The following ADGRV1 variants were observed in gnomAD, a reference collection of about 807,000 sequenced individuals.
ADGRV1 encodes the protein adhesion G protein-coupled receptor V1, also known as G-protein coupled receptor 98.
Under a neutral mutation model 596.2 loss-of-function variants are expected in ADGRV1, and 359 were observed. The ratio of observed to expected loss-of-function variants is 0.60; its 90% CI spans 0.55 to 0.66. ADGRV1 has a LOEUF of 0.66. Ranked by LOEUF, ADGRV1 falls within the 30% of genes least tolerant of loss-of-function variation. The probability of loss-of-function intolerance (pLI) is 0.00; values close to 1 mark genes in which losing one functional copy is unlikely to be tolerated. For missense variants in ADGRV1, 7,274 were observed against 7,575.6 expected, an observed-to-expected ratio of 0.96 and a Z score of 1.48; for synonymous variants, 2,681 against 2,679.2, an observed-to-expected ratio of 1.00 and a Z score of -0.02.
At chr5:90,878,646 C>T (rs956696479) in intron 83 of ADGRV1, among the ~76,000 whole-genome samples, 1 of 152,144 alleles carries the variant, frequency 6.6e-6, no homozygotes, top group Non-Finnish European at 1.5e-5. Context: ...TGTTCACAGT[C>T]ATTTATGAGA....
At position 90,689,908 on chromosome 5, in the gene ADGRV1, G is replaced by A; in HGVS notation, c.6538G>A (p.Glu2180Lys). Residue 2180 changes from glutamate to lysine, a missense_variant, in exon 30 of 90, where the codon GAA becomes AAA. Glu to Lys is a moderately conservative substitution (Grantham distance 56, BLOSUM62 1). Coordinates refer to ENST00000405460, the MANE Select transcript of ADGRV1 (RefSeq NM_032119.4). ...ATCAGATGTGGTCTTGCTAGAAGGG[G>A]AAACCAGTAAAGCCGTGCCAATATA... The part of the protein sequence containing the change: ...ASSDVVLLEG[E>K]TSKAVPIYVI... 1 of 1,613,352 alleles carries A rather than the reference G, an allele frequency of 6.2e-7. No homozygotes were observed. Among genetic ancestry groups the A allele is most frequent in the Non-Finnish European group, 8.5e-7 (1 of 1,179,564 alleles).
rs1758564362 is a variant in ADGRV1 at position 90,778,995 on chromosome 5, G to A, written c.12980G>A (p.Gly4327Glu). ...GCAGGGGAGCTCCTCTTTGAAGCAG[G>A]GGAGATGAGGAAAAGTCTGCATGTT... ...PAAGELLFEAGEMRKSLHVEI... is the reference protein window; with the variant it reads ...PAAGELLFEAEEMRKSLHVEI... Residue 4327 changes from glycine to glutamate, a missense_variant, in exon 64 of 90, where the codon GGG becomes GAG. Gly to Glu is a moderately conservative substitution (Grantham distance 98, BLOSUM62 -2). Coordinates refer to ENST00000405460, the MANE Select transcript of ADGRV1 (RefSeq NM_032119.4). 2 of 1,613,324 alleles carry A rather than the reference G, an allele frequency of 1.2e-6. 1 individual carries two copies. The highest frequency in any genetic ancestry group is 2.2e-5 in the South Asian group (2 of 91,056).
At chr5:91,030,381 A>T (rs2151224053) in intron 85 of ADGRV1, among the ~76,000 whole-genome samples, 1 of 152,254 alleles carries the variant, frequency 6.6e-6, no homozygotes, top group East Asian at 1.9e-4. Context: ...ATAACATAAA[A>T]AATGAAGTGG....
intron 87 of ADGRV1, among the ~76,000 whole-genome samples, chr5:91,109,954 A>C (rs1792222011): frequency 1.3e-5 from 2 of 152,244 alleles, no homozygotes; most frequent in East Asian, 3.8e-4. Flanking sequence ...GAACAAGGCC[A>C]ATGACAGCTT....
chr5:90,963,129 T>A (rs925994817), intron 83 of ADGRV1, among the ~76,000 whole-genome samples: 3 of 152,158 alleles, frequency 2.0e-5, no homozygotes, highest in African/African-American at 7.2e-5. Context: ...AGAATCTGAA[T>A]TAGAAAGGCT....
At chr5:90,603,501 G>A (rs1355298556) in intron 1 of ADGRV1, among the ~76,000 whole-genome samples, 1 of 152,076 alleles carries the variant, frequency 6.6e-6, no homozygotes, top group African/African-American at 2.4e-5. Flanking sequence ...GGCACTTCAT[G>A]GTGCACAGAG....
chr5:91,098,473 A>G (rs1247570623), intron 86 of ADGRV1, among the ~76,000 whole-genome samples: 1 of 152,154 alleles, frequency 6.6e-6, no homozygotes, highest in African/African-American at 2.4e-5. Context: ...TTGTTTTTTA[A>G]AGAAGCCTCC....
intron 77 of ADGRV1, among the ~76,000 whole-genome samples, chr5:90,834,681 A>C (rs747753003): frequency 2.0e-5 from 3 of 151,744 alleles, no homozygotes; most frequent in Non-Finnish European, 2.9e-5. Context: ...GAATACTGAT[A>C]TCTTTCTCTA....
Position 90,705,446 on chromosome 5 carries a change from A to G in ADGRV1, c.8433A>G (p.Ala2811=), listed in dbSNP as rs757411051. ...GIALLDAQGY[A]AVLTVEASDE... is the part of the protein sequence containing the mutation. ...CCCTGCTTGATGCTCAAGGATATGC[A>G]GCTGTCCTCACAGTAGAAGCCAGTG... The change falls in exon 37 of 90, where the codon GCA becomes GCG. Residue 2811 remains alanine, a synonymous_variant. Coordinates refer to ENST00000405460, the MANE Select transcript of ADGRV1 (RefSeq NM_032119.4). 2 of 1,613,996 alleles carry G rather than the reference A, an allele frequency of 1.2e-6. No homozygotes were observed. Among genetic ancestry groups the G allele is most frequent in the Non-Finnish European group, 1.7e-6 (2 of 1,179,844 alleles).
At chr5:90,865,185 C>T (rs948926517) in intron 83 of ADGRV1, among the ~76,000 whole-genome samples, 2 of 152,042 alleles carry the variant, frequency 1.3e-5, no homozygotes, top group African/African-American at 2.4e-5. Flanking sequence ...GCAGTGGTTA[C>T]CAAAGGGGCT....
intron 1 of ADGRV1, among the ~76,000 whole-genome samples, chr5:90,582,709 T>G (rs1314785549): frequency 7.9e-5 from 12 of 152,072 alleles, no homozygotes. Context: ...GGACTATCAG[T>G]GTGCACCACC....
chr5:90,769,898 G>A (rs1462982611), intron 59 of ADGRV1, among the ~76,000 whole-genome samples: 1 of 152,010 alleles, frequency 6.6e-6, no homozygotes, highest in Admixed American at 6.6e-5. Flanking sequence ...TACATATTAC[G>A]AATTGGAAAC....
chr5:90,642,438 A>G (rs910131207), intron 11 of ADGRV1, among the ~76,000 whole-genome samples, 198 bp from the exon 12 acceptor site: 3 of 152,198 alleles, frequency 2.0e-5, no homozygotes, highest in Admixed American at 2.0e-4. Flanking sequence ...CAGAAATAGA[A>G]GTTCTTTCAT....
At chr5:91,012,779 A>T (rs1390918756) in intron 85 of ADGRV1, among the ~76,000 whole-genome samples, 1 of 152,018 alleles carries the variant, frequency 6.6e-6, no homozygotes, top group East Asian at 1.9e-4. Flanking sequence ...TTTGTTATAC[A>T]AGTAAATTTG....
At chr5:90,933,987 A>C (rs540698650) in intron 83 of ADGRV1, among the ~76,000 whole-genome samples, 7 of 152,282 alleles carry the variant, frequency 4.6e-5, no homozygotes, top group African/African-American at 1.7e-4. Flanking sequence ...TGTCGCAGGC[A>C]CAGCTGCCTA....
chr5:91,154,632 T>A (rs1796321356), intron 89 of ADGRV1, among the ~76,000 whole-genome samples: 1 of 152,140 alleles, frequency 6.6e-6, no homozygotes, highest in Non-Finnish European at 1.5e-5. Flanking sequence ...TATGAAGAAA[T>A]ACTGGAAACT....
At position 90,783,138 on chromosome 5, in the gene ADGRV1, G is replaced by T. The variant is rs1759035779; in HGVS notation, c.13246G>T (p.Gly4416Trp). The change falls in exon 66 of 90, where the codon GGG (glycine) becomes TGG (tryptophan). Residue 4416 changes from glycine (G) to tryptophan (W), a missense_variant. Physicochemically the swap from Gly to Trp is radical, Grantham distance 184. Transcript: ENST00000405460. ...TCCCATTACAGTGGAGGAAGATGTT[G>T]GGCTGATCATGATCCCAGTGGTGAG... is the stretch of plus-strand genomic sequence containing the variant. ...YTAFEVEEDV[G>W]LIMIPVVRLH... 6.2e-7 allele frequency: 1 copy of T among 1,613,402 alleles called. No individual in the cohort carries two copies. Among genetic ancestry groups the T allele is most frequent in the Non-Finnish European group, 8.5e-7 (1 of 1,179,470 alleles).
intron 82 of ADGRV1, among the ~76,000 whole-genome samples, chr5:90,859,726 A>G (rs765915497): frequency 1.1e-4 from 17 of 152,176 alleles, no homozygotes; most frequent in Non-Finnish European, 2.1e-4. Context: ...GCCACTAGTC[A>G]CCAGTGGTGA....
intron 85 of ADGRV1, among the ~76,000 whole-genome samples, chr5:91,035,861 T>TATATAATATATATATA: frequency 4.1e-5 from 4 of 96,388 alleles, no homozygotes; most frequent in Admixed American, 1.1e-4. Context: ...TATATATATA[T>TATATAATATATATATA]TATATATATA....
Sources: gnomAD v4.1 joint callset for allele counts (sites outside exome capture counted in the v4.1 genomes callset) on GRCh38, gnomAD v4.1.1 for gene constraint, MANE v1.5 for transcripts, NCBI Gene and HGNC (gene_info 2026-07-23, HGNC 2026-07-21) for gene names.